Variants in NBEA observed in about 807,000 individuals in gnomAD.
The protein encoded by NBEA is lysosomal-trafficking regulator 2.
In NBEA, 44 loss-of-function variants were observed where a neutral mutation model predicts 343.4. The observed-to-expected ratio is 0.13, with a 90% CI of 0.10 to 0.16. The LOEUF is 0.16. Among genes scored for constraint, NBEA ranks in the 10% least tolerant of loss-of-function variants. The pLI is 1.00. For synonymous variants in NBEA, 1,175 were observed against 1,238.7 expected, an observed-to-expected ratio of 0.95 and a Z score of 1.08; for missense variants, 2,555 against 3,631.3, an observed-to-expected ratio of 0.70 and a Z score of 7.62.
At chr13:35,495,014 A>C (rs1444602002) in intron 41 of NBEA, among the ~76,000 whole-genome samples, 2 of 151,934 alleles carry the variant, frequency 1.3e-5, no homozygotes, top group Non-Finnish European at 2.9e-5. Context: ...CTGTCAAAAA[A>C]AAAGAAAAGA....
rs1281611562 is a variant in NBEA at position 35,128,096 on chromosome 13, GA to G, written c.2336+4523del. On this transcript the variant is annotated intron_variant, in intron 17 of 58. Transcript: ENST00000379939. ...CAAAGAAAGCAGAAAGGGGTGGGGG[GA>G]GGGGGGAGGGATGGCATTGGGAGAT... Among the ~76,000 whole-genome samples, 6 of 107,700 alleles carry G rather than the reference GA, an allele frequency of 5.6e-5. No individual in the cohort carries two copies. The South Asian group carries it at 1.8e-3, about 32-fold the overall frequency. The allele number at this position is 107,700 out of a possible 152,430, so 70.7% of individuals were successfully genotyped here. A position where few individuals can be genotyped will look rare whatever the true frequency, so the allele number is the denominator to read the frequency against.
At chr13:35,361,421 C>A (rs2040798975) in intron 38 of NBEA, among the ~76,000 whole-genome samples, 1 of 152,048 alleles carries the variant, frequency 6.6e-6, no homozygotes. Context: ...CACAACAGTG[C>A]AAAGGCAATG....
At chr13:34,979,452 A>G (rs1022876043) in intron 1 of NBEA, among the ~76,000 whole-genome samples, 1 of 152,186 alleles carries the variant, frequency 6.6e-6, no homozygotes, top group South Asian at 2.1e-4. Context: ...CCTAGGAGGC[A>G]GAGGTTGCAG....
intron 41 of NBEA, among the ~76,000 whole-genome samples, chr13:35,502,895 G>T (rs894994028): frequency 2.0e-5 from 3 of 151,832 alleles, no homozygotes; most frequent in African/African-American, 7.3e-5. Context: ...ATCAAGTTTT[G>T]GATTTTTTTT....
chr13:35,428,465 A>G (rs2044862196), intron 38 of NBEA, among the ~76,000 whole-genome samples: 1 of 152,138 alleles, frequency 6.6e-6, no homozygotes, highest in Non-Finnish European at 1.5e-5. Context: ...CTTCCAATTA[A>G]GTGATTCCTC....
At chr13:35,180,136 A>T (rs1444939183) in intron 28 of NBEA, among the ~76,000 whole-genome samples, 1 of 151,720 alleles carries the variant, frequency 6.6e-6, no homozygotes, top group African/African-American at 2.4e-5. Context: ...CATTGTGCTT[A>T]GATGAAGTAA....
intron 34 of NBEA, among the ~76,000 whole-genome samples, chr13:35,264,959 A>G (rs917087261): frequency 2.0e-5 from 3 of 151,978 alleles, no homozygotes; most frequent in African/African-American, 7.2e-5. Context: ...GTCTCTTTGC[A>G]GATGACATGA....
Position 35,153,513 on chromosome 13 carries a change from C to G in NBEA, c.2446-2261C>G, listed in dbSNP as rs541102303. Among the ~76,000 whole-genome samples, 3 of 152,290 alleles carry G rather than the reference C, an allele frequency of 2.0e-5. No homozygotes were observed. The East Asian group carries it at 5.8e-4, about 29-fold the overall frequency. ...GCACATAACTGGTTATTAATAAATACATGTTGAATTGAGTTTCTGAGTATA... is the reference window on the plus strand; with the variant it reads ...GCACATAACTGGTTATTAATAAATAGATGTTGAATTGAGTTTCTGAGTATA... On this transcript the variant is annotated intron_variant, in intron 18 of 58. Transcript: ENST00000379939.
At chr13:35,358,088 C>G (rs898849032) in intron 38 of NBEA, among the ~76,000 whole-genome samples, 3 of 152,096 alleles carry the variant, frequency 2.0e-5, no homozygotes, top group African/African-American at 7.2e-5. Context: ...GTGGCACGAT[C>G]TCGGCTCACT....
chr13:35,400,196 T>TAA (rs71081251), intron 38 of NBEA, among the ~76,000 whole-genome samples: 1,003 of 78,198 alleles, frequency 0.013, 51 homozygotes, highest in East Asian at 0.11. Context: ...CTTCAATTTG[T>TAA]AAAAAAAAAA....
chr13:35,648,336 G>A (rs945467384), intron 51 of NBEA, among the ~76,000 whole-genome samples: 5 of 151,908 alleles, frequency 3.3e-5, no homozygotes, highest in Admixed American at 2.0e-4. Context: ...GGCTGTTGCC[G>A]TATAAACCCC....
At chr13:34,995,402 CAGAG>C (rs1408458958) in intron 1 of NBEA, among the ~76,000 whole-genome samples, 7 of 143,920 alleles carry the variant, frequency 4.9e-5, no homozygotes, top group Admixed American at 1.5e-4. Flanking sequence ...GCCTGGGTGA[CAGAG>C]AGAGACCCTG....
Position 35,161,986 on chromosome 13 carries a change from T to C in NBEA, c.4079+19T>C. On this transcript the variant is annotated intron_variant, in intron 23 of 58. Coordinates refer to ENST00000379939, the MANE Select transcript of NBEA (RefSeq NM_001385012.1). ...GGAGGAGGTAGAAATATTTCTTTTT[T>C]ATAAATTAAAAGCAAATATTTAAAA... is the stretch of plus-strand genomic sequence containing the variant. The C allele has an allele frequency of 6.6e-7, 1 of 1,522,508 alleles. No homozygotes were observed. The highest frequency in any genetic ancestry group is 1.4e-5 in the African/African-American group (1 of 71,792). The allele number at this position is 1,522,508 out of a possible 1,614,324, so 94.3% of individuals were successfully genotyped here.
At chr13:35,420,445 C>T (rs541916984) in intron 38 of NBEA, among the ~76,000 whole-genome samples, 448 of 151,722 alleles carry the variant, frequency 3.0e-3, no homozygotes, top group Middle Eastern at 0.014. Flanking sequence ...ATTTTTTTGT[C>T]TATATAAAGG....
intron 38 of NBEA, among the ~76,000 whole-genome samples, chr13:35,369,855 T>C (rs191960990): frequency 5.9e-5 from 9 of 152,120 alleles, no homozygotes; most frequent in Non-Finnish European, 1.3e-4. Context: ...TCTTGCCTGA[T>C]TGCTCTGTTC....
intron 11 of NBEA, among the ~76,000 whole-genome samples, chr13:35,099,399 C>T (rs1343082962): frequency 5.9e-5 from 9 of 151,928 alleles, no homozygotes; most frequent in Admixed American, 2.6e-4. Context: ...AGGGTTTCAC[C>T]GTATTAGCCA....
chr13:35,174,370 TTTG>T (rs2070712435), intron 27 of NBEA, among the ~76,000 whole-genome samples: 1 of 152,138 alleles, frequency 6.6e-6, no homozygotes. Context: ...GTTCCTTCTG[TTTG>T]TTGTTTTCAT....
At chr13:35,209,935 G>T (rs1049125848) in intron 32 of NBEA, among the ~76,000 whole-genome samples, 5 of 151,972 alleles carry the variant, frequency 3.3e-5, no homozygotes, top group African/African-American at 4.8e-5. Flanking sequence ...TATCTGGCTT[G>T]TCTGAAGACT....
chr13:35,529,250 G>A (rs76369227), intron 41 of NBEA, among the ~76,000 whole-genome samples: 6,118 of 152,224 alleles, frequency 0.04, 344 homozygotes, highest in East Asian at 0.22. Flanking sequence ...ATTTTCAGTA[G>A]TGACATTTTC....
Sources: gnomAD v4.1 joint callset for allele counts (sites outside exome capture counted in the v4.1 genomes callset) on GRCh38, gnomAD v4.1.1 for gene constraint, MANE v1.5 for transcripts, NCBI Gene and HGNC (gene_info 2026-07-23, HGNC 2026-07-21) for gene names.